Variants in NSMCE1 observed in about 807,000 individuals in gnomAD.
NSMCE1 encodes the protein NSE1 component of SMC5/6 complex, also known as non-structural maintenance of chromosomes element 1 homolog.
Under a neutral mutation model 29.6 loss-of-function variants are expected in NSMCE1, and 18 were observed. That is an observed-to-expected ratio of 0.61 (90% CI 0.42 to 0.90). NSMCE1 has a LOEUF of 0.90. Among genes scored for constraint, NSMCE1 ranks in the 40% least tolerant of loss-of-function variants. NSMCE1 has a pLI of 0.00. For missense variants in NSMCE1, 314 were observed against 343.6 expected (o/e 0.91, Z 0.68); for synonymous variants, 124 against 133.4 (o/e 0.93, Z 0.49).
At chr16:27,267,770 C>G (rs1171554483) in intron 1 of NSMCE1, among the ~76,000 whole-genome samples, 1 of 151,516 alleles carries the variant, frequency 6.6e-6, no homozygotes, top group African/African-American at 2.4e-5. Context: ...CTCTTGTTGC[C>G]CAAGCTGGAG....
At chr16:27,235,046 T>G in intron 3 of NSMCE1, 132 bp downstream of exon 3, 1 of 772,698 alleles carries the variant, frequency 1.3e-6, no homozygotes, top group East Asian at 2.6e-5. Flanking sequence ...ATTCCTAATA[T>G]TCTATACATT....
At chr16:27,262,562 C>T (rs1435587482) in intron 1 of NSMCE1, among the ~76,000 whole-genome samples, 1 of 152,034 alleles carries the variant, frequency 6.6e-6, no homozygotes, top group Non-Finnish European at 1.5e-5. Context: ...GAGGCTGGAC[C>T]CCTTCCTTAC....
At chr16:27,251,818 G>A (rs1407759356) in intron 2 of NSMCE1, among the ~76,000 whole-genome samples, 1 of 152,098 alleles carries the variant, frequency 6.6e-6, no homozygotes, top group Non-Finnish European at 1.5e-5. Flanking sequence ...AGTTCTCAGC[G>A]GGATCCTTGA....
At chr16:27,241,923 C>A in intron 2 of NSMCE1, 1 of 421,268 alleles carries the variant, frequency 2.4e-6, no homozygotes. Flanking sequence ...AAGTCTAGAC[C>A]AGAAATCAGA....
At chr16:27,237,844 T>C (rs1299462845) in intron 2 of NSMCE1, among the ~76,000 whole-genome samples, 2 of 152,098 alleles carry the variant, frequency 1.3e-5, no homozygotes, top group Non-Finnish European at 2.9e-5. Context: ...TCAGAAACCA[T>C]GAATGTTTTG....
intron 2 of NSMCE1, among the ~76,000 whole-genome samples, chr16:27,255,230 T>A (rs2084074359): frequency 6.6e-6 from 1 of 151,974 alleles, no homozygotes; most frequent in African/African-American, 2.4e-5. Flanking sequence ...AGGTATAACA[T>A]CCCCTTTCAA....
At chr16:27,256,186 A>C (rs1043134686) in intron 2 of NSMCE1, among the ~76,000 whole-genome samples, 3 of 152,042 alleles carry the variant, frequency 2.0e-5, no homozygotes, top group African/African-American at 7.3e-5. Flanking sequence ...TTTTCTTTTG[A>C]AAATTAAAAA....
At chr16:27,233,283 G>T in intron 4 of NSMCE1, 136 bp from the exon 5 acceptor site, 1 of 697,902 alleles carries the variant, frequency 1.4e-6, no homozygotes, top group Non-Finnish European at 2.4e-6. Flanking sequence ...ATGGTATTCC[G>T]GGAAAACAAT....
intron 1 of NSMCE1, among the ~76,000 whole-genome samples, 162 bp from the exon 2 acceptor site, chr16:27,257,743 G>A (rs959562305): frequency 3.9e-5 from 6 of 152,206 alleles, no homozygotes; most frequent in Non-Finnish European, 7.3e-5. Context: ...ACGAGTCACA[G>A]CATCAGGACT....
At chr16:27,241,738 G>A (rs28363677) in intron 2 of NSMCE1, 350,806 of 351,556 alleles carry the variant, frequency 1, 175,045 homozygotes, top group African/African-American at 1. Flanking sequence ...ACTTAGTGAC[G>A]AACCGTCCTC....
intron 2 of NSMCE1, among the ~76,000 whole-genome samples, chr16:27,256,881 C>CT (rs2084093168): frequency 6.6e-6 from 1 of 152,084 alleles, no homozygotes; most frequent in Non-Finnish European, 1.5e-5. Flanking sequence ...AATTTATTTT[C>CT]TTTTTTTCAA....
chr16:27,246,009 C>T (rs1011620492), intron 2 of NSMCE1, among the ~76,000 whole-genome samples: 1 of 152,210 alleles, frequency 6.6e-6, no homozygotes, highest in Admixed American at 6.5e-5. Flanking sequence ...TCACCATCAA[C>T]GCACGTAGCC....
intron 1 of NSMCE1, 188 bp downstream of exon 1, chr16:27,268,518 G>A (rs1024746467): frequency 2.0e-5 from 3 of 152,204 alleles, no homozygotes. Context: ...CCCTGTCTGG[G>A]CCTCAGTTTC....
intron 2 of NSMCE1, among the ~76,000 whole-genome samples, chr16:27,235,703 C>T (rs934092237): frequency 3.3e-5 from 5 of 152,226 alleles, no homozygotes; most frequent in Non-Finnish European, 7.3e-5. Flanking sequence ...CTATCGCATC[C>T]CCAGTGCCCC....
intron 2 of NSMCE1, among the ~76,000 whole-genome samples, chr16:27,256,258 G>A (rs2084085708): frequency 6.6e-6 from 1 of 152,172 alleles, no homozygotes; most frequent in Non-Finnish European, 1.5e-5. Context: ...CCATTCATCA[G>A]AGGTGACAAC....
intron 2 of NSMCE1, among the ~76,000 whole-genome samples, chr16:27,247,186 T>A (rs1209732899): frequency 1.3e-5 from 2 of 152,190 alleles, no homozygotes; most frequent in African/African-American, 2.4e-5. Context: ...TCCAAACATG[T>A]CATGGGAGGG....
intron 1 of NSMCE1, among the ~76,000 whole-genome samples, chr16:27,267,175 TAAGA>T (rs1340443828): frequency 1.3e-5 from 2 of 152,134 alleles, no homozygotes; most frequent in African/African-American, 4.8e-5. Context: ...ACCCACATTT[TAAGA>T]AATACATCTA....
At chr16:27,260,936 G>A (rs551588430) in intron 1 of NSMCE1, among the ~76,000 whole-genome samples, 5 of 151,188 alleles carry the variant, frequency 3.3e-5, no homozygotes, top group Non-Finnish European at 7.4e-5. Context: ...AGAGGCCAAG[G>A]CAGGTCAATC....
intron 2 of NSMCE1, among the ~76,000 whole-genome samples, chr16:27,254,399 T>C (rs575388952): frequency 2.6e-5 from 4 of 152,144 alleles, no homozygotes; most frequent in African/African-American, 9.7e-5. Context: ...AATTAGATCA[T>C]AACAATTTTA....
Sources: allele counts gnomAD v4.1 joint callset (sites outside exome capture counted in the v4.1 genomes callset), GRCh38; gene constraint gnomAD v4.1.1; transcripts MANE v1.5; gene names NCBI Gene and HGNC (gene_info 2026-07-23, HGNC 2026-07-21).